SLC26A8: variants seen among roughly 807,000 people sequenced by gnomAD.
SLC26A8 encodes the protein solute carrier family 26 member 8.
SLC26A8 carries 70 observed loss-of-function variants against 105.0 expected under a neutral mutation model. The observed-to-expected ratio is 0.67, with a 90% CI of 0.55 to 0.81. The LOEUF (loss-of-function observed/expected upper bound fraction) is 0.81, where lower values mean the gene tolerates loss of function less well. Among genes scored for constraint, SLC26A8 ranks in the 40% least tolerant of loss-of-function variants. The pLI, the probability that SLC26A8 is intolerant of heterozygous loss-of-function variation, is 0.00. For missense variants in SLC26A8, 998 were observed against 1,181.8 expected (o/e 0.84, Z 2.28); for synonymous variants, 415 against 438.3 (o/e 0.95, Z 0.66).
intron 5 of SLC26A8, among the ~76,000 whole-genome samples, chr6:35,994,660 G>C (rs1030859329): frequency 1.2e-4 from 17 of 146,836 alleles, no homozygotes; most frequent in Non-Finnish European, 2.2e-4. Flanking sequence ...ACTGCAACCT[G>C]TGCCTCCCAG....
chr6:35,993,543 A>G (rs1761252174), intron 5 of SLC26A8, among the ~76,000 whole-genome samples: 1 of 152,180 alleles, frequency 6.6e-6, no homozygotes, highest in Non-Finnish European at 1.5e-5. Flanking sequence ...GGTATTTTAC[A>G]TGTCAATATG....
intron 12 of SLC26A8, among the ~76,000 whole-genome samples, chr6:35,961,441 C>A (rs1772304758): frequency 6.6e-6 from 1 of 152,208 alleles, no homozygotes; most frequent in Non-Finnish European, 1.5e-5. Context: ...ATGGTAGTTG[C>A]TATTTTAAGA....
In SLC26A8 at chr6:36,024,637, G is replaced by A. The variant is rs1289131577; in HGVS notation, c.-136C>T. On this transcript the variant is annotated 5_prime_UTR_variant, in exon 1 of 20. Transcript: ENST00000490799. Reference sequence around the variant, plus strand: ...GGCCTAGCCCGCGGGCGTTCCGGGCGGGCTGAGGAGATGAGAGTGGGGGAG... The same window carrying A: ...GGCCTAGCCCGCGGGCGTTCCGGGCAGGCTGAGGAGATGAGAGTGGGGGAG... The A allele has an allele frequency of 5.1e-6, 2 of 394,098 alleles. No individual in the cohort carries two copies. Among genetic ancestry groups the A allele is most frequent in the Non-Finnish European group, 1.0e-5 (2 of 195,998 alleles). 24.4% of individuals were successfully genotyped at this position (394,098 alleles called of 1,614,324 possible).
intron 3 of SLC26A8, among the ~76,000 whole-genome samples, chr6:36,011,490 C>T (rs1474458702): frequency 6.6e-6 from 1 of 152,226 alleles, no homozygotes; most frequent in Non-Finnish European, 1.5e-5. Flanking sequence ...GCTCCCACAC[C>T]TATCTGTGTG....
intron 19 of SLC26A8, among the ~76,000 whole-genome samples, chr6:35,944,985 G>A (rs1771613929): frequency 6.6e-6 from 1 of 152,028 alleles, no homozygotes; most frequent in Non-Finnish European, 1.5e-5. Context: ...AAGTAGTTGG[G>A]ACTACAGATA....
At chr6:36,014,889 GA>G (rs1181316333) in intron 2 of SLC26A8, among the ~76,000 whole-genome samples, 1 of 151,314 alleles carries the variant, frequency 6.6e-6, no homozygotes, top group Admixed American at 6.6e-5. Context: ...AGAAAAAAGA[GA>G]AAAAAAACCT....
chr6:36,019,485 G>A lies in SLC26A8; in HGVS notation c.188+35C>T, dbSNP rs144981264. On this transcript the variant is annotated intron_variant, in intron 2 of 19. Transcript: ENST00000490799. ...GTCAGGTTAGGTTTCAGTCCTGCCC[G>A]GCTCGGCAGCAGGTGAAAGATTGGA... 1.5e-4 allele frequency: 238 copies of A among 1,596,634 alleles called. 1 individual carries two copies. The East Asian group carries it at 4.8e-3, about 32-fold the overall frequency.
chr6:35,997,084 G>A (rs775027404), intron 5 of SLC26A8, among the ~76,000 whole-genome samples: 40 of 151,946 alleles, frequency 2.6e-4, no homozygotes, highest in Non-Finnish European at 5.3e-4. Flanking sequence ...AAGATCAGGA[G>A]TGGAGCTCTG....
chr6:35,986,698 T>C (rs1012712186), intron 7 of SLC26A8, among the ~76,000 whole-genome samples: 1 of 152,204 alleles, frequency 6.6e-6, no homozygotes, highest in African/African-American at 2.4e-5. Flanking sequence ...ATTTTTTATT[T>C]TATTTTAATT....
chr6:35,948,306 T>C (rs9470178), intron 19 of SLC26A8, among the ~76,000 whole-genome samples: 12,947 of 152,138 alleles, frequency 0.085, 1,702 homozygotes, highest in African/African-American at 0.29. Flanking sequence ...AACAGTGTGA[T>C]GGCTAGGCAC....
chr6:35,958,319 G>A (rs944791613), intron 16 of SLC26A8, among the ~76,000 whole-genome samples: 1 of 152,008 alleles, frequency 6.6e-6, no homozygotes, highest in Non-Finnish European at 1.5e-5. Context: ...GACCAATATG[G>A]TGAAACCCCG....
intron 7 of SLC26A8, among the ~76,000 whole-genome samples, chr6:35,989,338 TTA>T (rs1387330361): frequency 6.6e-6 from 1 of 152,242 alleles, no homozygotes; most frequent in Non-Finnish European, 1.5e-5. Context: ...TGTAATGGAA[TTA>T]TACAGTATGT....
intron 8 of SLC26A8, among the ~76,000 whole-genome samples, chr6:35,977,977 T>G (rs894749628): frequency 6.6e-6 from 1 of 151,692 alleles, no homozygotes; most frequent in African/African-American, 2.4e-5. Flanking sequence ...TCCCAGCTAC[T>G]CTGGAGGCTG....
chr6:35,969,799 C>T (rs546019127), intron 10 of SLC26A8: 1 of 151,926 alleles, frequency 6.6e-6, no homozygotes, highest in Non-Finnish European at 1.5e-5. Flanking sequence ...CTCTCTGCTC[C>T]AGTGCCATCA....
At chr6:35,951,100 C>CAA in intron 19 of SLC26A8, 63 bp downstream of exon 19, 1 of 1,364,762 alleles carries the variant, frequency 7.3e-7, no homozygotes, top group East Asian at 2.5e-5. Flanking sequence ...AACCACCCCT[C>CAA]ACCCATCCCC....
chr6:35,992,394 C>T (rs1761197270), intron 6 of SLC26A8, 116 bp downstream of exon 6: 1 of 1,071,574 alleles, frequency 9.3e-7, no homozygotes, highest in Admixed American at 2.6e-5. Context: ...GACTGAGCTG[C>T]CTATAGGCTG....
Position 35,981,996 on chromosome 6 carries a change from G to T in SLC26A8, c.1025+125C>A. ...CCCTTCTCCTTTCATGAACCTCTGT[G>T]TTCAAAAATGAATTTTGCTTTGGCC... On this transcript the variant is annotated intron_variant, in intron 8 of 19. Coordinates refer to ENST00000490799, the MANE Select transcript of SLC26A8 (RefSeq NM_052961.4). This position sits in a 1 kb window ranked among gnomAD's most constrained non-coding sequence, Gnocchi z 4.0. 1.1e-6 allele frequency: 1 copy of T among 920,002 alleles called. No individual in the cohort carries two copies. Among genetic ancestry groups the T allele is most frequent in the Non-Finnish European group, 1.7e-6 (1 of 593,602 alleles). 57.0% of individuals were successfully genotyped at this position (920,002 alleles called of 1,614,324 possible). A position where few individuals can be genotyped will look rare whatever the true frequency, so the allele number is the denominator to read the frequency against.
chr6:35,968,802 C>T (rs1051532356), intron 11 of SLC26A8, 75 bp downstream of exon 11: 10 of 524,134 alleles, frequency 1.9e-5, no homozygotes, highest in South Asian at 1.5e-4. Context: ...CCCCTTACCC[C>T]CCGCACACAC....
chr6:35,990,378 A>G lies in SLC26A8; in HGVS notation c.942+1281T>C, dbSNP rs191164958. The G allele has an allele frequency of 2.0e-3, 472 of 235,756 alleles. 3 individuals carry two copies. The highest frequency in any genetic ancestry group is 0.011 in the African/African-American group (462 of 42,632). The allele number at this position is 235,756 out of a possible 1,614,324, so 14.6% of individuals were successfully genotyped here. ...ATCTTCCAATTGTTTCTCCATGAAC[A>G]TCATATGTTCCCTTTGTGAATGCAT... is the stretch of plus-strand genomic sequence containing the variant. On this transcript the variant is annotated intron_variant, in intron 7 of 19. Transcript: ENST00000490799.
Sources: allele counts gnomAD v4.1 joint callset (sites outside exome capture counted in the v4.1 genomes callset), GRCh38; gene constraint gnomAD v4.1.1; non-coding constraint Gnocchi (gnomAD v3.1); transcripts MANE v1.5; gene names NCBI Gene and HGNC (gene_info 2026-07-23, HGNC 2026-07-21).